CLTA: variants seen among roughly 807,000 people sequenced by gnomAD.
The protein encoded by CLTA is clathrin light chain A.
CLTA carries 9 observed loss-of-function variants against 26.9 expected under a neutral mutation model. That is an observed-to-expected ratio of 0.33 (90% CI 0.20 to 0.58). CLTA has a LOEUF of 0.58. Ranked by LOEUF, CLTA falls within the 20% of genes least tolerant of loss-of-function variation. The pLI, the probability that CLTA is intolerant of heterozygous loss-of-function variation, is 0.85. For synonymous variants in CLTA, 120 were observed against 115.5 expected (o/e 1.04, Z -0.25); for missense variants, 278 against 294.2 (o/e 0.94, Z 0.40).
rs1828078084 is a variant in CLTA at position 36,212,015 on chromosome 9, G to A, written c.*241G>A. On this transcript the variant is annotated 3_prime_UTR_variant, in exon 5 of 5. Transcript: ENST00000345519. ...CTTCCCAAGAGTAGCCTCAACCTGT[G>A]CTTCTGTGCATTATTCTGAGAATAA... The A allele has an allele frequency of 3.0e-6, 2 of 662,710 alleles. No homozygotes were observed. The highest frequency in any genetic ancestry group is 1.5e-5 in the South Asian group (1 of 65,264). The allele number at this position is 662,710 out of a possible 1,614,324, so 41.1% of individuals were successfully genotyped here. A position where few individuals can be genotyped will look rare whatever the true frequency, so the allele number is the denominator to read the frequency against.
chr9:36,192,165 A>T (rs921629025), intron 1 of CLTA, among the ~76,000 whole-genome samples: 1 of 152,202 alleles, frequency 6.6e-6, no homozygotes, highest in African/African-American at 2.4e-5. Context: ...CTTTTCATTC[A>T]CTTAAAAAAT....
At chr9:36,192,752 C>T (rs1826806457) in intron 1 of CLTA, among the ~76,000 whole-genome samples, 1 of 152,124 alleles carries the variant, frequency 6.6e-6, no homozygotes, top group Non-Finnish European at 1.5e-5. Context: ...ATAGCTGAGC[C>T]CCAAGTCTAC....
intron 4 of CLTA, among the ~76,000 whole-genome samples, chr9:36,207,194 C>T (rs1827777530): frequency 6.6e-6 from 1 of 152,200 alleles, no homozygotes; most frequent in Non-Finnish European, 1.5e-5. Context: ...CAGACTGCAT[C>T]TCCCTTCTTT....
chr9:36,190,909 C>G, upstream of CLTA: 11 of 1,355,582 alleles, frequency 8.1e-6, no homozygotes, highest in South Asian at 1.6e-5. Flanking sequence ...ACCGGATACA[C>G]GGGTAGGGCT....
intron 1 of CLTA, among the ~76,000 whole-genome samples, chr9:36,195,280 G>A (rs1401426355): frequency 6.6e-6 from 1 of 152,160 alleles, no homozygotes; most frequent in African/African-American, 2.4e-5. Context: ...AGAAAAAGTC[G>A]ATCATGTCTA....
At position 36,198,917 on chromosome 9, in the gene CLTA, T is replaced by C. The variant is rs557272847; in HGVS notation, c.256-62T>C. On this transcript the variant is annotated intron_variant, in intron 2 of 4. Transcript: ENST00000345519. ...ACAGAACCAGGGGTTCTAACTCAGG[T>C]GAAGTGCATTTTAGGAAGGAATTTT... 9.6e-5 allele frequency: 99 copies of C among 1,027,644 alleles called. 1 individual carries two copies. The East Asian group carries it at 2.6e-3, about 27-fold the overall frequency. The allele number at this position is 1,027,644 out of a possible 1,614,324, so 63.7% of individuals were successfully genotyped here.
intron 4 of CLTA, chr9:36,209,316 T>C (rs1016042248): frequency 1.2e-6 from 2 of 1,610,088 alleles, no homozygotes; most frequent in South Asian, 2.2e-5. Context: ...CGTGATTGGT[T>C]ATGTGTATGT....
chr9:36,210,664 A>T, intron 4 of CLTA: 1 of 1,614,170 alleles, frequency 6.2e-7, no homozygotes, highest in African/African-American at 1.3e-5. Context: ...TAGAACAGTT[A>T]AGTAAACCTT....
chr9:36,191,125 G>GGCCGGC lies in CLTA; in HGVS notation c.77_82dup (p.Ala26_Gly27dup). 1 of 1,600,640 alleles carries GGCCGGC rather than the reference G, an allele frequency of 6.2e-7. No individual in the cohort carries two copies. The highest frequency in any genetic ancestry group is 8.5e-7 in the Non-Finnish European group (1 of 1,176,254). On this transcript the variant is annotated inframe_insertion, in exon 1 of 5. Transcript: ENST00000345519. Reference sequence around the variant, plus strand: ...GCGGTCCCGCGCTGGGGAACGGAGTGGCCGGCGCCGGCGAAGAAGACCCGG... The same window carrying GGCCGGC: ...GCGGTCCCGCGCTGGGGAACGGAGTGGCCGGCGCCGGCGCCGGCGAAGAAGACCCGG...
chr9:36,193,307 C>A lies in CLTA; in HGVS notation c.217+2034C>A, dbSNP rs1009086792. On this transcript the variant is annotated intron_variant, in intron 1 of 4. Coordinates refer to ENST00000345519, the MANE Select transcript of CLTA (RefSeq NM_001833.4). Reference sequence around the variant, plus strand: ...TGGACACTTTTTCTCTCTTAGTTTTCTTTTTCCTTCTTTTTTTTTTTTTTT... The same window carrying A: ...TGGACACTTTTTCTCTCTTAGTTTTATTTTTCCTTCTTTTTTTTTTTTTTT... Among the ~76,000 whole-genome samples, 7 of 147,254 alleles carry A rather than the reference C, an allele frequency of 4.8e-5. No homozygotes were observed. In the South Asian group the frequency reaches 1.3e-3, roughly 27 times the overall value.
rs1343849736 is a variant in CLTA, at chr9:36,191,099, G to A, written c.43G>A (p.Gly15Ser). The change falls in exon 1 of 5, where the codon GGC (glycine) becomes AGC (serine). Residue 15 changes from glycine to serine, a missense_variant. By Grantham distance (56) the Gly-to-Ser change is moderately conservative. Transcript: ENST00000345519. ...GTTCGGCGCCCCTGCCGGCGCCCCT[G>A]GCGGTCCCGCGCTGGGGAACGGAGT... ...DPFGAPAGAP[G>S]GPALGNGVAG... is the part of the protein sequence containing the mutation. 3 of 1,594,108 alleles carry A rather than the reference G, an allele frequency of 1.9e-6. No individual in the cohort carries two copies. The highest frequency in any genetic ancestry group is 1.4e-5 in the African/African-American group (1 of 73,648).
At chr9:36,191,620 C>G (rs1008336723) in intron 1 of CLTA, among the ~76,000 whole-genome samples, 3 of 152,146 alleles carry the variant, frequency 2.0e-5, no homozygotes, top group Non-Finnish European at 2.9e-5. Context: ...GCAGTTTTTC[C>G]AGACTTATAA....
upstream of CLTA, chr9:36,190,890 C>T (rs963445544): frequency 5.6e-5 from 70 of 1,254,188 alleles, 1 homozygote; most frequent in Middle Eastern, 8.3e-4. Flanking sequence ...TGCAACACCG[C>T]CTAGACCGAC....
chr9:36,200,712 G>A (rs560196201), intron 3 of CLTA, among the ~76,000 whole-genome samples: 11 of 152,308 alleles, frequency 7.2e-5, no homozygotes, highest in East Asian at 1.9e-4. Context: ...GTGCTGTCTC[G>A]TATGGTAGCC....
chr9:36,204,070 G>A lies in CLTA; in HGVS notation c.376G>A (p.Ala126Thr). 1 of 1,614,036 alleles carries A rather than the reference G, an allele frequency of 6.2e-7. No individual in the cohort carries two copies. Among genetic ancestry groups the A allele is most frequent in the Non-Finnish European group, 8.5e-7 (1 of 1,179,952 alleles). ...CTTTCTCTTCTCTCCCTTCAAAGAT[G>A]CCAATTCTCGGAAGCAAGAAGCAGA... Reference protein sequence around the residue: ...EQMERLEALDANSRKQEAEWK... With the variant: ...EQMERLEALDTNSRKQEAEWK... The change falls in exon 4 of 5, where the codon GCC becomes ACC. Residue 126 changes from alanine (A) to threonine (T), a missense_variant and splice_region_variant. Physicochemically the swap from Ala to Thr is moderately conservative, Grantham distance 58 (BLOSUM62 0). Transcript: ENST00000345519.
chr9:36,210,763 A>G, intron 4 of CLTA: 1 of 1,339,288 alleles, frequency 7.5e-7, no homozygotes, highest in Non-Finnish European at 1.1e-6. Context: ...CATCCCTGTG[A>G]TAGTGCCACC....
rs1454074529 is a variant in CLTA, at chr9:36,204,138, A to C, written c.444A>C (p.Ala148=). 1 of 1,614,086 alleles carries C rather than the reference A, an allele frequency of 6.2e-7. No individual in the cohort carries two copies. The highest frequency in any genetic ancestry group is 1.3e-5 in the African/African-American group (1 of 74,946). ...KAIKELEEWY[A]RQDEQLQKTK... ...TAAAGGAGCTAGAAGAATGGTATGC[A>C]AGACAGGACGAGCAGCTACAGAAAA... Residue 148 remains alanine, a synonymous_variant, in exon 4 of 5, where the codon GCA becomes GCC. Transcript: ENST00000345519.
chr9:36,191,459 A>AG (rs770311992), intron 1 of CLTA, among the ~76,000 whole-genome samples, 186 bp downstream of exon 1: 12 of 152,200 alleles, frequency 7.9e-5, no homozygotes, highest in Non-Finnish European at 1.8e-4. Flanking sequence ...TTCGGTTCTC[A>AG]GCATGTTTGA....
Position 36,190,969 on chromosome 9 carries a change from C to T in CLTA, c.-88C>T. The T allele has an allele frequency of 2.1e-6, 3 of 1,453,592 alleles. No homozygotes were observed. Among genetic ancestry groups the T allele is most frequent in the Admixed American group, 2.7e-5 (1 of 36,682 alleles). The allele number at this position is 1,453,592 out of a possible 1,614,324, so 90.0% of individuals were successfully genotyped here. ...GCGCTTGTCCTCCTCTCCCAGTCGG[C>T]ACCACAGCGGTGGCTGCCGGGCGTG... is the stretch of plus-strand genomic sequence containing the variant. On this transcript the variant is annotated 5_prime_UTR_variant, in exon 1 of 5. Transcript: ENST00000345519.
Sources: gnomAD v4.1 joint callset for allele counts (sites outside exome capture counted in the v4.1 genomes callset) on GRCh38, gnomAD v4.1.1 for gene constraint, MANE v1.5 for transcripts, NCBI Gene and HGNC (gene_info 2026-07-23, HGNC 2026-07-21) for gene names.